The following GABBR2 variants were observed in gnomAD, a reference collection of about 807,000 sequenced individuals.
GABBR2 encodes gamma-aminobutyric acid type B receptor subunit 2, also known as G-protein coupled receptor 51.
Under a neutral mutation model 105.6 loss-of-function variants are expected in GABBR2, and 23 were observed. The ratio of observed to expected loss-of-function variants is 0.22; its 90% CI spans 0.16 to 0.31. The LOEUF (loss-of-function observed/expected upper bound fraction) is 0.31, where lower values mean the gene tolerates loss of function less well. Among genes scored for constraint, GABBR2 ranks in the 10% least tolerant of loss-of-function variants. The pLI is 1.00. For missense variants in GABBR2, 734 were observed against 1,245.5 expected, an observed-to-expected ratio of 0.59 and a Z score of 6.18; for synonymous variants, 478 against 499.7, an observed-to-expected ratio of 0.96 and a Z score of 0.58.
chr9:98,558,884 C>T (rs181137303), intron 2 of GABBR2, among the ~76,000 whole-genome samples: 2 of 152,348 alleles, frequency 1.3e-5, no homozygotes, highest in Admixed American at 1.3e-4. Context: ...CTCAATAGTA[C>T]AGTTCTATGT....
intron 6 of GABBR2, among the ~76,000 whole-genome samples, chr9:98,457,930 C>G (rs1023098305): frequency 6.6e-6 from 1 of 152,222 alleles, no homozygotes; most frequent in Non-Finnish European, 1.5e-5. Flanking sequence ...TTACCATCCT[C>G]CGAGGTCAAG....
chr9:98,469,223 C>T (rs1269449762), intron 6 of GABBR2, among the ~76,000 whole-genome samples: 3 of 152,112 alleles, frequency 2.0e-5, no homozygotes, highest in Non-Finnish European at 4.4e-5. Flanking sequence ...AGGAAACTTA[C>T]AATCACAGTG....
intron 13 of GABBR2, 112 bp downstream of exon 13, chr9:98,362,603 T>G: frequency 1.3e-6 from 1 of 769,640 alleles, no homozygotes; most frequent in East Asian, 3.1e-5. Context: ...ATGGAACTGA[T>G]GAAGTGTTCC....
At position 98,490,910 on chromosome 9, in the gene GABBR2, T is replaced by C. The variant is rs78408982; in HGVS notation, c.732+5503A>G. On this transcript the variant is annotated intron_variant, in intron 4 of 18. Coordinates refer to ENST00000259455, the MANE Select transcript of GABBR2 (RefSeq NM_005458.8). ...CGACTTCATCACACAGAAATGGTAT[T>C]TCCTGACTTTCTTGATACAAATTTC... Among the ~76,000 whole-genome samples the C allele has an allele frequency of 6.8e-3, 1,036 of 152,246 alleles. 7 individuals are homozygous for C. Among genetic ancestry groups the C allele is most frequent in the African/African-American group, 0.024 (1,001 of 41,522 alleles).
At chr9:98,416,996 G>A (rs1042197158) in intron 7 of GABBR2, among the ~76,000 whole-genome samples, 18 of 152,124 alleles carry the variant, frequency 1.2e-4, no homozygotes, top group African/African-American at 4.3e-4. Context: ...GGCCTCCCCT[G>A]TTCATGTCCT....
At chr9:98,434,115 A>C (rs1392070828) in intron 7 of GABBR2, among the ~76,000 whole-genome samples, 1 of 152,200 alleles carries the variant, frequency 6.6e-6, no homozygotes, top group Non-Finnish European at 1.5e-5. Context: ...AGCAGGCAGA[A>C]GAACGTGAAA....
intron 8 of GABBR2, 124 bp from the exon 9 acceptor site, chr9:98,394,379 C>G: frequency 1.5e-6 from 1 of 680,054 alleles, no homozygotes; most frequent in Non-Finnish European, 2.7e-6. Flanking sequence ...TCCCTTTCTC[C>G]AATGCCTCTT....
chr9:98,314,675 G>A lies in GABBR2; in HGVS notation c.1894-3470C>T, dbSNP rs141733767. Among the ~76,000 whole-genome samples, 9 of 152,220 alleles carry A rather than the reference G, an allele frequency of 5.9e-5. No homozygotes were observed. The East Asian group carries it at 1.5e-3, about 26-fold the overall frequency. On this transcript the variant is annotated intron_variant, in intron 13 of 18. Coordinates refer to ENST00000259455, the MANE Select transcript of GABBR2 (RefSeq NM_005458.8). ...TTCTCCTCCTGGACCTCCACTCACC[G>A]GGGCTCATCTCTCCCCTGGGGTTCC...
chr9:98,452,168 C>A (rs1439924034), intron 7 of GABBR2, among the ~76,000 whole-genome samples: 7 of 152,194 alleles, frequency 4.6e-5, no homozygotes, highest in Non-Finnish European at 1.0e-4. Flanking sequence ...GCCCACCAGA[C>A]CAACAATATA....
In GABBR2 at chr9:98,383,690, A is replaced by G. The variant is rs74952432; in HGVS notation, c.1662+1950T>C. Among the ~76,000 whole-genome samples, 2,244 of 152,326 alleles carry G rather than the reference A, an allele frequency of 0.015. 78 individuals carry two copies. The East Asian group carries it at 0.15, about 10-fold the overall frequency. ...AGACCTCTCTCTGGCTAGACAGCTC[A>G]CAGTGAAGTTACTGGTAACAGGAAC... On this transcript the variant is annotated intron_variant, in intron 11 of 18. Transcript: ENST00000259455.
chr9:98,660,628 G>T (rs930765838), intron 1 of GABBR2, among the ~76,000 whole-genome samples: 1 of 152,194 alleles, frequency 6.6e-6, no homozygotes, highest in East Asian at 1.9e-4. Flanking sequence ...TTATCGTTCT[G>T]GAAATCAGAA....
At chr9:98,478,411 C>T (rs1314855706) in intron 5 of GABBR2, among the ~76,000 whole-genome samples, 2 of 152,150 alleles carry the variant, frequency 1.3e-5, no homozygotes, top group Non-Finnish European at 2.9e-5. Context: ...CCAGACAAGA[C>T]CATAAGTCCT....
intron 1 of GABBR2, among the ~76,000 whole-genome samples, chr9:98,626,653 C>T (rs974796720): frequency 2.0e-5 from 3 of 152,064 alleles, no homozygotes; most frequent in African/African-American, 7.2e-5. Context: ...ATGTAAATAG[C>T]CGTACTTGAA....
intron 1 of GABBR2, among the ~76,000 whole-genome samples, chr9:98,640,256 C>T (rs1829941897): frequency 1.3e-5 from 2 of 151,952 alleles, no homozygotes; most frequent in South Asian, 4.2e-4. Flanking sequence ...ACAGTAGGTG[C>T]ACCAGTAACA....
At chr9:98,478,121 G>A (rs1185928128) in intron 5 of GABBR2, among the ~76,000 whole-genome samples, 5 of 152,216 alleles carry the variant, frequency 3.3e-5, no homozygotes, top group Non-Finnish European at 5.9e-5. Context: ...CTATAAATAG[G>A]CCTTGCATTT....
chr9:98,321,473 T>C (rs1034629840), intron 13 of GABBR2, among the ~76,000 whole-genome samples: 1 of 152,188 alleles, frequency 6.6e-6, no homozygotes, highest in African/African-American at 2.4e-5. Flanking sequence ...AGGGTGGCAT[T>C]GCCCGGGAGT....
rs1056738031 is a variant in GABBR2 at position 98,499,418 on chromosome 9, G to C, written c.631-2904C>G. ...ATTCTGCCAGATGTGGACAGTTTCGGAGGCCCGATGAACCAGAACAGGCCA... is the reference window on the plus strand; with the variant it reads ...ATTCTGCCAGATGTGGACAGTTTCGCAGGCCCGATGAACCAGAACAGGCCA... On this transcript the variant is annotated intron_variant, in intron 3 of 18. Transcript: ENST00000259455. Among the ~76,000 whole-genome samples the C allele has an allele frequency of 2.6e-5, 4 of 152,148 alleles. No homozygotes were observed. The East Asian group carries it at 5.8e-4, about 22-fold the overall frequency.
intron 3 of GABBR2, among the ~76,000 whole-genome samples, chr9:98,531,257 G>T (rs867960690): frequency 6.6e-6 from 1 of 152,200 alleles, no homozygotes; most frequent in African/African-American, 2.4e-5. Flanking sequence ...TCTGAGCGGG[G>T]TCCATGTGGA....
chr9:98,686,588 G>A (rs1019157025), intron 1 of GABBR2, among the ~76,000 whole-genome samples: 1 of 151,992 alleles, frequency 6.6e-6, no homozygotes, highest in Non-Finnish European at 1.5e-5. Flanking sequence ...TAGAGATGGG[G>A]TTTCACCATG....
Sources: gnomAD v4.1 joint callset for allele counts (sites outside exome capture counted in the v4.1 genomes callset) on GRCh38, gnomAD v4.1.1 for gene constraint, MANE v1.5 for transcripts, NCBI Gene and HGNC (gene_info 2026-07-23, HGNC 2026-07-21) for gene names.